Variants in UNC13C observed in about 807,000 individuals in gnomAD.
The protein encoded by UNC13C is protein unc-13 homolog C.
In UNC13C, 174 loss-of-function variants were observed where a neutral mutation model predicts 245.4. The ratio of observed to expected loss-of-function variants is 0.71; its 90% CI spans 0.63 to 0.80. The LOEUF (loss-of-function observed/expected upper bound fraction) is 0.80. Among genes scored for constraint, UNC13C ranks in the 30% least tolerant of loss-of-function variants. UNC13C has a pLI of 0.00. For synonymous variants in UNC13C, 992 were observed against 895.1 expected (o/e 1.11, Z -1.93); for missense variants, 2,829 against 2,602.9 (o/e 1.09, Z -1.89).
intron 4 of UNC13C, 98 bp from the exon 5 acceptor site, chr15:54,234,932 T>A (rs1256832128): frequency 1.1e-5 from 11 of 1,014,038 alleles, no homozygotes; most frequent in African/African-American, 9.6e-5. Flanking sequence ...GGTATCCAGG[T>A]CATCTTTTTC....
chr15:54,583,273 T>TAGGAAC (rs1159715193), intron 30 of UNC13C, among the ~76,000 whole-genome samples: 1 of 151,972 alleles, frequency 6.6e-6, no homozygotes, highest in East Asian at 1.9e-4. Flanking sequence ...AAAATCAGAA[T>TAGGAAC]AGGAACATAT....
chr15:54,344,906 G>A (rs939699687), intron 17 of UNC13C, among the ~76,000 whole-genome samples: 51 of 152,140 alleles, frequency 3.4e-4, no homozygotes, highest in African/African-American at 1.2e-3. Flanking sequence ...AGAGCTCAAT[G>A]TGTCTACCCC....
the UNC13C span, among the ~76,000 whole-genome samples, chr15:53,946,927 G>C: frequency 9.2e-5 from 14 of 152,062 alleles, no homozygotes; most frequent in African/African-American, 3.1e-4. Context: ...TTGCATTAAT[G>C]TTCATCAAGG....
chr15:54,410,492 T>C (rs894889087), intron 18 of UNC13C, among the ~76,000 whole-genome samples: 9 of 152,188 alleles, frequency 5.9e-5, no homozygotes, highest in African/African-American at 1.7e-4. Flanking sequence ...TGGGTTCTTA[T>C]AGTTTCCAGT....
At chr15:54,051,850 C>T (rs1299624519) in intron 2 of UNC13C, among the ~76,000 whole-genome samples, 5 of 145,494 alleles carry the variant, frequency 3.4e-5, no homozygotes, top group South Asian at 2.2e-4. Flanking sequence ...CATGCTGGTG[C>T]GCTGCACCCA....
At chr15:54,587,745 T>A (rs1898567916) in intron 30 of UNC13C, among the ~76,000 whole-genome samples, 1 of 152,208 alleles carries the variant, frequency 6.6e-6, no homozygotes, top group Admixed American at 6.5e-5. Context: ...GCCAACTCTC[T>A]GATTCTCTAC....
At chr15:54,021,013 G>A (rs1341450064) in intron 2 of UNC13C, among the ~76,000 whole-genome samples, 14 of 151,988 alleles carry the variant, frequency 9.2e-5, no homozygotes, top group Non-Finnish European at 1.5e-5. Flanking sequence ...TCTATAAAGT[G>A]ATTCTCTTGT....
chr15:54,129,917 G>GTT (rs36082814), intron 2 of UNC13C, among the ~76,000 whole-genome samples: 104 of 121,214 alleles, frequency 8.6e-4, no homozygotes, highest in Middle Eastern at 5.1e-3. Context: ...TTTATAATGT[G>GTT]TTTTTTTTTT....
At chr15:53,840,276 T>G in the UNC13C span, among the ~76,000 whole-genome samples, 2 of 152,302 alleles carry the variant, frequency 1.3e-5, no homozygotes, top group Non-Finnish European at 2.9e-5. Flanking sequence ...ACTATATGCC[T>G]GAGAAATTTT....
chr15:54,624,079 C>T, intron 32 of UNC13C, 125 bp downstream of exon 32: 1 of 1,193,114 alleles, frequency 8.4e-7, no homozygotes, highest in Non-Finnish European at 1.2e-6. Context: ...AGTTCCCTTC[C>T]ATTCATTCAA....
rs139195811 is a variant in UNC13C at position 54,604,265 on chromosome 15, A to T, written c.6107-18062A>T. On this transcript the variant is annotated intron_variant, in intron 30 of 32. Transcript: ENST00000260323. ...TCCAAAAGTATGAGTTAAAGAATGTATAATTTCCCACCACATAGATGAACT... is the reference window on the plus strand; with the variant it reads ...TCCAAAAGTATGAGTTAAAGAATGTTTAATTTCCCACCACATAGATGAACT... Among the ~76,000 whole-genome samples the T allele has an allele frequency of 2.4e-3, 366 of 152,346 alleles. 2 individuals carry two copies. The highest frequency in any genetic ancestry group is 3.9e-3 in the Non-Finnish European group (262 of 68,026).
the UNC13C span, among the ~76,000 whole-genome samples, chr15:53,918,055 A>G: frequency 6.6e-6 from 1 of 152,228 alleles, no homozygotes; most frequent in Non-Finnish European, 1.5e-5. Context: ...TGTATAATAA[A>G]TTCTCTGCCC....
chr15:54,229,840 A>G (rs1040975888), intron 4 of UNC13C, among the ~76,000 whole-genome samples: 1 of 151,978 alleles, frequency 6.6e-6, no homozygotes, highest in Non-Finnish European at 1.5e-5. Flanking sequence ...TGAGATCAAC[A>G]TTTTTAGGTT....
intron 4 of UNC13C, among the ~76,000 whole-genome samples, chr15:54,233,548 T>A (rs1399121744): frequency 6.6e-6 from 1 of 152,228 alleles, no homozygotes; most frequent in African/African-American, 2.4e-5. Flanking sequence ...TTATCTTTAT[T>A]ACTACTTTGT....
chr15:53,965,787 A>T, the UNC13C span, among the ~76,000 whole-genome samples: 1 of 151,930 alleles, frequency 6.6e-6, no homozygotes, highest in African/African-American at 2.4e-5. Context: ...TCATTGTTCA[A>T]TTCCCACCTA....
chr15:54,456,476 C>T (rs968690578), intron 19 of UNC13C, among the ~76,000 whole-genome samples: 6 of 152,026 alleles, frequency 3.9e-5, no homozygotes, highest in Non-Finnish European at 5.9e-5. Flanking sequence ...TCCTACCCAT[C>T]CATGAGCATG....
At chr15:54,061,725 C>A (rs928265818) in intron 2 of UNC13C, among the ~76,000 whole-genome samples, 1 of 152,122 alleles carries the variant, frequency 6.6e-6, no homozygotes, top group Non-Finnish European at 1.5e-5. Context: ...AAAACCTTTT[C>A]GTGAGCAGTG....
chr15:54,126,208 G>C (rs549947590), intron 2 of UNC13C, among the ~76,000 whole-genome samples: 2 of 151,974 alleles, frequency 1.3e-5, no homozygotes, highest in South Asian at 2.1e-4. Flanking sequence ...TAAAAAACAT[G>C]CCTCAACTAT....
intron 2 of UNC13C, among the ~76,000 whole-genome samples, chr15:54,057,472 T>A (rs1319513613): frequency 1.3e-5 from 2 of 150,974 alleles, no homozygotes; most frequent in Non-Finnish European, 3.0e-5. Flanking sequence ...AAGTCCTGAG[T>A]GACCTACAAA....
Sources: gnomAD v4.1 joint callset for allele counts (sites outside exome capture counted in the v4.1 genomes callset) on GRCh38, gnomAD v4.1.1 for gene constraint, MANE v1.5 for transcripts, NCBI Gene and HGNC (gene_info 2026-07-23, HGNC 2026-07-21) for gene names.